The following DISC1 variants were observed in gnomAD, a reference collection of about 807,000 sequenced individuals.
DISC1 encodes disrupted in schizophrenia 1 protein.
In DISC1, 57 loss-of-function variants were observed where a neutral mutation model predicts 84.5. That is an observed-to-expected ratio of 0.67 (90% CI 0.55 to 0.84). DISC1 has a LOEUF of 0.84. DISC1 is among the 40% of genes least tolerant of loss of function. The pLI is 0.00. For missense variants in DISC1, 1,000 were observed against 1,057.8 expected (o/e 0.95, Z 0.76); for synonymous variants, 411 against 415.2 (o/e 0.99, Z 0.12).
At chr1:231,945,735 T>C (rs1380012512) in intron 9 of DISC1, among the ~76,000 whole-genome samples, 1 of 151,464 alleles carries the variant, frequency 6.6e-6, no homozygotes, top group Non-Finnish European at 1.5e-5. Flanking sequence ...TAAAGAAGAA[T>C]AGAGAGAAGA....
At chr1:231,718,016 C>T (rs1015744863) in intron 3 of DISC1, among the ~76,000 whole-genome samples, 1 of 152,150 alleles carries the variant, frequency 6.6e-6, no homozygotes, top group African/African-American at 2.4e-5. Context: ...AATGGCAAGT[C>T]AAGCAGAAAA....
At chr1:231,851,735 G>A (rs1433189813) in intron 9 of DISC1, among the ~76,000 whole-genome samples, 1 of 152,218 alleles carries the variant, frequency 6.6e-6, no homozygotes, top group African/African-American at 2.4e-5. Context: ...AGGCTGGCTG[G>A]TCTTCATGTG....
chr1:231,957,873 A>C (rs1659790225), intron 9 of DISC1, among the ~76,000 whole-genome samples: 1 of 152,080 alleles, frequency 6.6e-6, no homozygotes, highest in Non-Finnish European at 1.5e-5. Flanking sequence ...ATCCCCAGAC[A>C]CTCCAGTAGC....
intron 7 of DISC1, among the ~76,000 whole-genome samples, chr1:231,799,831 T>C (rs1341959204): frequency 8.6e-6 from 1 of 115,748 alleles, no homozygotes; most frequent in Non-Finnish European, 1.8e-5. Flanking sequence ...TTTCCCTCCC[T>C]CTTTCCCTTC....
chr1:232,032,033 G>A (rs374290160), intron 12 of DISC1, among the ~76,000 whole-genome samples: 13 of 152,132 alleles, frequency 8.5e-5, no homozygotes, highest in African/African-American at 3.1e-4. Context: ...CTTTTTTTCA[G>A]ATTGTGGAAT....
chr1:231,750,131 CT>C (rs2074451791), intron 4 of DISC1, 55 bp downstream of exon 4: 2 of 1,584,410 alleles, frequency 1.3e-6, no homozygotes, highest in African/African-American at 2.7e-5. Context: ...TACCTCTCAG[CT>C]CCCACATAGT....
chr1:231,975,763 G>T (rs1338918254), intron 10 of DISC1, among the ~76,000 whole-genome samples: 2 of 152,218 alleles, frequency 1.3e-5, no homozygotes, highest in African/African-American at 4.8e-5. Context: ...TCCTAAGTGG[G>T]TGTTAAAAAA....
At chr1:231,673,104 C>T (rs1253544416) in intron 1 of DISC1, among the ~76,000 whole-genome samples, 1 of 152,196 alleles carries the variant, frequency 6.6e-6, no homozygotes. Context: ...GGCTTGAAGC[C>T]AGCTCTAATT....
At chr1:231,787,966 T>C (rs991273156) in intron 6 of DISC1, among the ~76,000 whole-genome samples, 3 of 152,160 alleles carry the variant, frequency 2.0e-5, no homozygotes, top group Admixed American at 1.3e-4. Flanking sequence ...CTGGCTTAAA[T>C]ACAGAAATTC....
At position 231,953,776 on chromosome 1, in the gene DISC1, G is replaced by A. The variant is rs188024945; in HGVS notation, c.1982-5052G>A. Among the ~76,000 whole-genome samples the A allele has an allele frequency of 1.2e-3, 178 of 152,246 alleles. 2 individuals carry two copies. The highest frequency in any genetic ancestry group is 3.9e-3 in the African/African-American group (161 of 41,566). On this transcript the variant is annotated intron_variant, in intron 9 of 12. Transcript: ENST00000439617. ...ATGTTTGACAAACTTTGCCATTAAT[G>A]CTAAACTGGGGAGGTCCCTTTGGCT... is the stretch of plus-strand genomic sequence containing the variant.
intron 10 of DISC1, among the ~76,000 whole-genome samples, chr1:231,998,787 T>C (rs1461427240): frequency 6.6e-6 from 1 of 152,164 alleles, no homozygotes; most frequent in African/African-American, 2.4e-5. Context: ...AGCAAATTTT[T>C]TACTGTTGAT....
chr1:231,930,437 G>T (rs2090590366), intron 9 of DISC1, among the ~76,000 whole-genome samples: 1 of 152,160 alleles, frequency 6.6e-6, no homozygotes, highest in South Asian at 2.1e-4. Context: ...TACCCTAACT[G>T]TGAGAGGTGG....
intron 9 of DISC1, chr1:231,866,548 C>T (rs752941934): frequency 1.1e-6 from 1 of 915,848 alleles, no homozygotes; most frequent in South Asian, 1.3e-5. Flanking sequence ...ATGCAGAGTC[C>T]TGGACACAGA....
At chr1:232,014,082 T>A (rs2103012388) in intron 11 of DISC1, among the ~76,000 whole-genome samples, 1 of 152,308 alleles carries the variant, frequency 6.6e-6, no homozygotes, top group Non-Finnish European at 1.5e-5. Flanking sequence ...TCCTTTTTAC[T>A]CAATTTCACA....
chr1:232,004,154 G>A (rs1049539722), intron 10 of DISC1, among the ~76,000 whole-genome samples: 1 of 151,726 alleles, frequency 6.6e-6, no homozygotes, highest in Middle Eastern at 3.2e-3. Flanking sequence ...GAAAACAAAT[G>A]AGTTAAGTGT....
In DISC1 at chr1:231,864,560, C is replaced by T. The variant is rs58794379; in HGVS notation, c.1981+46043C>T. Among the ~76,000 whole-genome samples, 1,498 of 152,086 alleles carry T rather than the reference C, an allele frequency of 9.8e-3. 27 individuals are homozygous for T. The highest frequency in any genetic ancestry group is 0.034 in the African/African-American group (1,424 of 41,482). On this transcript the variant is annotated intron_variant, in intron 9 of 12. Coordinates refer to ENST00000439617, the MANE Select transcript of DISC1 (RefSeq NM_018662.3). ...CGCCTGTAATCCCAGCTACGCAGGACGCTGAGGCAGGAGAATGACATGAAC... is the reference window on the plus strand; with the variant it reads ...CGCCTGTAATCCCAGCTACGCAGGATGCTGAGGCAGGAGAATGACATGAAC...
At chr1:231,776,080 T>C (rs2076941754) in intron 6 of DISC1, among the ~76,000 whole-genome samples, 1 of 152,206 alleles carries the variant, frequency 6.6e-6, no homozygotes, top group African/African-American at 2.4e-5. Flanking sequence ...CTCCTCTCTG[T>C]CTAGCACCAT....
At chr1:231,725,557 G>C (rs753869917) in intron 3 of DISC1, among the ~76,000 whole-genome samples, 1 of 152,144 alleles carries the variant, frequency 6.6e-6, no homozygotes, top group East Asian at 1.9e-4. Flanking sequence ...ACACAGTTCC[G>C]AGAGCCCATA....
chr1:231,747,380 T>C (rs2074107379), intron 3 of DISC1, among the ~76,000 whole-genome samples: 1 of 152,242 alleles, frequency 6.6e-6, no homozygotes, highest in South Asian at 2.1e-4. Flanking sequence ...CATAATTTTA[T>C]CATTTTTGGT....
Sources: allele counts gnomAD v4.1 joint callset (sites outside exome capture counted in the v4.1 genomes callset), GRCh38; gene constraint gnomAD v4.1.1; transcripts MANE v1.5; gene names NCBI Gene and HGNC (gene_info 2026-07-23, HGNC 2026-07-21).